The following SLCO2A1 variants were observed in gnomAD, a reference collection of about 807,000 sequenced individuals.
The protein encoded by SLCO2A1 is matrin F/G 1.
Under a neutral mutation model 71.7 loss-of-function variants are expected in SLCO2A1, and 60 were observed. That is an observed-to-expected ratio of 0.84 (90% CI 0.68 to 1.04). SLCO2A1 has a LOEUF of 1.04. Among genes scored for constraint, SLCO2A1 ranks in the 50% least tolerant of loss-of-function variants. SLCO2A1 has a pLI of 0.00. For missense variants in SLCO2A1, 745 were observed against 813.4 expected, an observed-to-expected ratio of 0.92 and a Z score of 1.02; for synonymous variants, 308 against 326.7, an observed-to-expected ratio of 0.94 and a Z score of 0.62.
intron 1 of SLCO2A1, among the ~76,000 whole-genome samples, chr3:133,994,380 C>T (rs1019901759): frequency 1.6e-4 from 24 of 152,100 alleles, no homozygotes; most frequent in African/African-American, 5.3e-4. Context: ...AATGTGCTAC[C>T]GAATTGTTTT....
intron 2 of SLCO2A1, among the ~76,000 whole-genome samples, chr3:133,979,139 G>A (rs1934525674): frequency 6.6e-6 from 1 of 152,214 alleles, no homozygotes; most frequent in South Asian, 2.1e-4. Context: ...AAGGCGGACA[G>A]CCCTGCATAC....
chr3:133,943,301 G>C (rs1046512754), intron 10 of SLCO2A1, among the ~76,000 whole-genome samples: 2 of 152,178 alleles, frequency 1.3e-5, no homozygotes, highest in African/African-American at 4.8e-5. Flanking sequence ...CCTGTCTCAA[G>C]TCTGCAAGTC....
intron 3 of SLCO2A1, among the ~76,000 whole-genome samples, chr3:133,960,958 G>A (rs1934021774): frequency 6.6e-6 from 1 of 151,966 alleles, no homozygotes; most frequent in East Asian, 1.9e-4. Flanking sequence ...TGCGGGGGTG[G>A]TACATTCCAC....
chr3:133,942,793 A>G, intron 10 of SLCO2A1, 25 bp from the exon 11 acceptor site: 2 of 1,578,750 alleles, frequency 1.3e-6, no homozygotes, highest in Non-Finnish European at 1.7e-6. Flanking sequence ...GGAGGGAAAA[A>G]GGGGGAAATT....
chr3:133,948,822 C>G, intron 7 of SLCO2A1, 71 bp downstream of exon 7: 1 of 1,591,898 alleles, frequency 6.3e-7, no homozygotes, highest in South Asian at 1.1e-5. Flanking sequence ...ACCACAGGGG[C>G]TGGGGTCCCC....
intron 3 of SLCO2A1, among the ~76,000 whole-genome samples, chr3:133,962,883 G>A (rs1934073468): frequency 6.6e-6 from 1 of 152,134 alleles, no homozygotes. Context: ...ACAGCCACCT[G>A]CCCCTATCTT....
chr3:133,994,631 T>G (rs181458260), intron 1 of SLCO2A1, among the ~76,000 whole-genome samples: 1 of 152,362 alleles, frequency 6.6e-6, no homozygotes, highest in Admixed American at 6.5e-5. Flanking sequence ...CCGCCATGTC[T>G]CCCATGGGTG....
chr3:134,004,425 C>T (rs990168160), intron 1 of SLCO2A1, among the ~76,000 whole-genome samples: 14 of 152,168 alleles, frequency 9.2e-5, no homozygotes, highest in African/African-American at 3.1e-4. Flanking sequence ...ACCTCCGCCT[C>T]GCAGGTTCAG....
At position 133,973,712 on chromosome 3, in the gene SLCO2A1, G is replaced by T; in HGVS notation, c.348C>A (p.Thr116=). The change falls in exon 3 of 14, where the codon ACC becomes ACA. Residue 116 remains threonine (T), a synonymous_variant. Transcript: ENST00000310926. ...LFLAAGAFIL[T]LPHFLSEPYQ... ...AGGGCTCGGAGAGGAAGTGTGGGAG[G>T]GTGAGGATGAAGGCACCTGCAGCCA... is the stretch of plus-strand genomic sequence containing the variant. 1.2e-6 allele frequency: 2 copies of T among 1,614,140 alleles called. No homozygotes were observed. Among genetic ancestry groups the T allele is most frequent in the Non-Finnish European group, 1.7e-6 (2 of 1,180,014 alleles).
chr3:133,946,737 T>C (rs937630119), intron 9 of SLCO2A1, among the ~76,000 whole-genome samples: 29 of 152,352 alleles, frequency 1.9e-4, no homozygotes, highest in African/African-American at 5.8e-4. Flanking sequence ...TGATTGCTGG[T>C]GGCCCAGTAA....
intron 3 of SLCO2A1, among the ~76,000 whole-genome samples, chr3:133,972,136 A>G (rs942326364): frequency 2.0e-5 from 3 of 152,260 alleles, no homozygotes; most frequent in Admixed American, 1.3e-4. Flanking sequence ...ATAACACAAA[A>G]GAAATCATAA....
intron 1 of SLCO2A1, among the ~76,000 whole-genome samples, chr3:134,015,436 G>A (rs1220199990): frequency 6.6e-6 from 1 of 151,030 alleles, no homozygotes; most frequent in Non-Finnish European, 1.5e-5. Flanking sequence ...GAGGCTGGGG[G>A]TGGGGTGGGA....
chr3:133,943,496 A>G (rs1291173358), intron 10 of SLCO2A1, among the ~76,000 whole-genome samples: 1 of 152,230 alleles, frequency 6.6e-6, no homozygotes, highest in Non-Finnish European at 1.5e-5. Context: ...AGTGGTAACT[A>G]TGCACCCTCT....
intron 3 of SLCO2A1, among the ~76,000 whole-genome samples, chr3:133,958,307 T>C (rs1933942997): frequency 6.6e-6 from 1 of 152,160 alleles, no homozygotes; most frequent in African/African-American, 2.4e-5. Flanking sequence ...TTGAAAGCTC[T>C]CAGAGGACTC....
chr3:133,935,765 G>A lies in SLCO2A1; in HGVS notation c.1814+9C>T, dbSNP rs1933252000. ...GGCTCTGGGACACACATACATGATG[G>A]GCCCTCACCTGTCTCGGAGAGCATC... On this transcript the variant is annotated intron_variant, in intron 13 of 13. Transcript: ENST00000310926. The A allele has an allele frequency of 6.3e-7, 1 of 1,586,336 alleles. No homozygotes were observed. The highest frequency in any genetic ancestry group is 1.3e-5 in the African/African-American group (1 of 74,450).
At chr3:133,999,817 G>A (rs2108068995) in intron 1 of SLCO2A1, among the ~76,000 whole-genome samples, 1 of 152,328 alleles carries the variant, frequency 6.6e-6, no homozygotes, top group Non-Finnish European at 1.5e-5. Context: ...CCAGGTAGGT[G>A]AGAAGAGAAA....
In SLCO2A1 at chr3:133,953,681, A is replaced by G; in HGVS notation, c.706T>C (p.Tyr236His). 6.2e-7 allele frequency: 1 copy of G among 1,614,108 alleles called. No individual in the cohort carries two copies. Among genetic ancestry groups the G allele is most frequent in the Non-Finnish European group, 8.5e-7 (1 of 1,179,960 alleles). The change falls in exon 5 of 14, where the codon TAT becomes CAT. Residue 236 changes from tyrosine (Y) to histidine (H), a missense_variant. Physicochemically the swap from Tyr to His is moderately conservative, Grantham distance 83. Transcript: ENST00000310926. ...TACTCACCTGTGTTGACCCTGCCAT[A>G]GTCCACAAAGATCTGCAGCATGACA... ...GSVMLQIFVDYGRVNTAAVNL... is the reference protein window; with the variant it reads ...GSVMLQIFVDHGRVNTAAVNL...
chr3:133,963,254 C>A (rs533730075), intron 3 of SLCO2A1, among the ~76,000 whole-genome samples: 1 of 152,292 alleles, frequency 6.6e-6, no homozygotes, highest in South Asian at 2.1e-4. Context: ...TAGAAAGGAA[C>A]CTCCAGAGAT....
chr3:133,935,754 C>T lies in SLCO2A1; in HGVS notation c.1814+20G>A. 6.3e-7 allele frequency: 1 copy of T among 1,575,250 alleles called. No homozygotes were observed. The highest frequency in any genetic ancestry group is 8.6e-7 in the Non-Finnish European group (1 of 1,157,606). On this transcript the variant is annotated intron_variant, in intron 13 of 13. Coordinates refer to ENST00000310926, the MANE Select transcript of SLCO2A1 (RefSeq NM_005630.3). ...GCCCAGGGCCTGGCTCTGGGACACA[C>T]ATACATGATGGGCCCTCACCTGTCT...
Sources: gnomAD v4.1 joint callset for allele counts (sites outside exome capture counted in the v4.1 genomes callset) on GRCh38, gnomAD v4.1.1 for gene constraint, MANE v1.5 for transcripts, NCBI Gene and HGNC (gene_info 2026-07-23, HGNC 2026-07-21) for gene names.